C4orf50: variants seen among roughly 807,000 people sequenced by gnomAD.
C4orf50 encodes chromosome 4 open reading frame 50.
Under a neutral mutation model 77.2 loss-of-function variants are expected in C4orf50, and 80 were observed. The ratio of observed to expected loss-of-function variants is 1.04; its 90% CI spans 0.87 to 1.25. C4orf50 has a LOEUF of 1.25. C4orf50 is among the 50% of genes most tolerant of loss of function. The probability of loss-of-function intolerance (pLI) is 0.00; values close to 1 mark genes in which losing one functional copy is unlikely to be tolerated. For synonymous variants in C4orf50, 532 were observed against 465.3 expected (o/e 1.14, Z -1.84); for missense variants, 1,257 against 1,152.9 (o/e 1.09, Z -1.31).
intron 24 of C4orf50, among the ~76,000 whole-genome samples, chr4:6,010,300 C>A (rs1181868806): frequency 6.6e-6 from 1 of 152,174 alleles, no homozygotes; most frequent in Non-Finnish European, 1.5e-5. Context: ...ATTTTCTGCA[C>A]CTGAAGTTCA....
Position 5,916,752 on chromosome 4 carries a change from G to A in C4orf50, c.*2475-18564C>T, listed in dbSNP as rs951678587. 1.2e-4 allele frequency among the ~76,000 whole-genome samples: 19 copies of A among 152,098 alleles called. No homozygotes were observed. The highest frequency in any genetic ancestry group is 2.2e-4 in the Non-Finnish European group (15 of 68,024). On this transcript the variant is annotated intron_variant, in intron 7 of 7. Transcript: ENST00000324058. This position sits in a 1 kb window ranked among gnomAD's most constrained non-coding sequence, Gnocchi z 4.4. ...TCACTCCTGCAGGAAATAGGGTCAC[G>A]GCCCCGAGAGCACTTCTGTGAAGAG...
At chr4:5,994,512 G>T (rs886707197) in intron 25 of C4orf50, 36 bp from the exon 4 acceptor site, 3 of 399,136 alleles carry the variant, frequency 7.5e-6, no homozygotes, top group Admixed American at 4.4e-5. Context: ...AGCCGTCAGT[G>T]TCCTGGCTGA....
intron 25 of C4orf50, among the ~76,000 whole-genome samples, chr4:5,999,327 C>G (rs1721730195): frequency 6.6e-6 from 1 of 152,170 alleles, no homozygotes; most frequent in Admixed American, 6.5e-5. Context: ...TCAGTGTTCT[C>G]CTCTGCAAAA....
At chr4:5,995,474 AACACACACACACACACACACACACACAC>A (rs55858229) in intron 25 of C4orf50, among the ~76,000 whole-genome samples, 2 of 133,956 alleles carry the variant, frequency 1.5e-5, no homozygotes, top group Admixed American at 1.5e-4. Context: ...TGGGACTGGA[AACACACACACACACACACACACACACAC>A]ACACACACAC....
intron 7 of C4orf50, among the ~76,000 whole-genome samples, chr4:5,923,628 C>A (rs184917511): frequency 5.3e-4 from 80 of 152,256 alleles, no homozygotes; most frequent in African/African-American, 1.9e-3. Flanking sequence ...CAGGCATGAT[C>A]CATCAGTAGG....
At chr4:5,966,511 A>T (rs6841797) in intron 32 of C4orf50, among the ~76,000 whole-genome samples, 53,753 of 148,478 alleles carry the variant, frequency 0.36, 9,756 homozygotes, top group Admixed American at 0.45. Context: ...TAGCAGAATT[A>T]AAAAAAAAAA....
chr4:5,897,871 C>T (rs1716189468), exon 8 of C4orf50: 1 of 152,166 alleles, frequency 6.6e-6, no homozygotes, highest in Admixed American at 6.5e-5. Context: ...CGAGGCAGGT[C>T]CTGCTGAAGA....
At chr4:5,982,791 T>TG (rs1439317274) in intron 28 of C4orf50, among the ~76,000 whole-genome samples, 1 of 148,988 alleles carries the variant, frequency 6.7e-6, no homozygotes, top group African/African-American at 2.5e-5. Flanking sequence ...AGCCTGGGGG[T>TG]GGGGGGAAGC....
intron 25 of C4orf50, among the ~76,000 whole-genome samples, chr4:6,003,227 T>A (rs564375270): frequency 6.6e-6 from 1 of 152,350 alleles, no homozygotes; most frequent in African/African-American, 2.4e-5. Flanking sequence ...CATGTTGGCC[T>A]GAGCTCCCAC....
chr4:5,974,239 C>T (rs866436468), intron 30 of C4orf50, among the ~76,000 whole-genome samples: 2 of 152,188 alleles, frequency 1.3e-5, no homozygotes, highest in Admixed American at 6.5e-5. Flanking sequence ...TACCGAGTGT[C>T]ATGTTTCTAT....
intron 7 of C4orf50, among the ~76,000 whole-genome samples, chr4:5,931,283 C>T (rs1236456816): frequency 6.6e-6 from 1 of 152,210 alleles, no homozygotes; most frequent in Non-Finnish European, 1.5e-5. Flanking sequence ...AGGCGGCCCC[C>T]AAACACTGAT....
intron 31 of C4orf50, among the ~76,000 whole-genome samples, chr4:5,968,165 C>A (rs753632525): frequency 2.6e-5 from 4 of 152,230 alleles, no homozygotes; most frequent in Non-Finnish European, 5.9e-5. Flanking sequence ...AGGAGGCCAT[C>A]TCCCTGTCTG....
chr4:5,989,281 A>T, exon 28 of C4orf50: 2 of 1,534,722 alleles, frequency 1.3e-6, no homozygotes, highest in Non-Finnish European at 1.7e-6. Context: ...CCTGCTCCTC[A>T]CTCTCTCGAG....
At chr4:5,936,814 C>T (rs974603557) in intron 7 of C4orf50, among the ~76,000 whole-genome samples, 5 of 151,728 alleles carry the variant, frequency 3.3e-5, no homozygotes, top group Admixed American at 3.3e-4. Context: ...GAATATATGT[C>T]TTATAGCAGA....
At chr4:5,985,304 A>G (rs1720800303) in intron 28 of C4orf50, among the ~76,000 whole-genome samples, 1 of 152,162 alleles carries the variant, frequency 6.6e-6, no homozygotes, top group Non-Finnish European at 1.5e-5. Context: ...AAGAACATGT[A>G]AAGATACGGG....
At chr4:5,988,567 G>A in exon 28 of C4orf50, 2 of 1,536,814 alleles carry the variant, frequency 1.3e-6, no homozygotes, top group Non-Finnish European at 1.7e-6. Context: ...TGTCTGCCCT[G>A]CAGCCAGACT....
rs553705325 is a variant in C4orf50 at position 5,960,757 on chromosome 4, C to T, written c.4276-1131G>A. Among the ~76,000 whole-genome samples the T allele has an allele frequency of 7.9e-5, 12 of 152,286 alleles. 1 individual carries two copies. In the South Asian group the frequency reaches 8.3e-4, roughly 11 times the overall value. ...GCCTCATGGAGGCAGTGTCTGAGCT[C>T]GGCTTTTGGGGAGGAGCAGGGTTCT... is the stretch of plus-strand genomic sequence containing the variant. On this transcript the variant is annotated intron_variant, in intron 33 of 33. Coordinates refer to ENST00000531445, the Ensembl canonical transcript of C4orf50.
intron 7 of C4orf50, among the ~76,000 whole-genome samples, chr4:5,935,811 G>T (rs1247893541): frequency 1.3e-5 from 1 of 74,292 alleles, no homozygotes; most frequent in South Asian, 3.9e-4. Flanking sequence ...AAAAAAAAAA[G>T]CCCCAGAGGC....
rs1472959514 is a variant in C4orf50, at chr4:6,017,161, A to C, written c.287+984T>G. On this transcript the variant is annotated intron_variant, in intron 23 of 33. Transcript: ENST00000531445. This position sits in a 1 kb window ranked among gnomAD's most constrained non-coding sequence, Gnocchi z 4.7. Reference sequence around the variant, plus strand: ...CCACAGCAGGAAGTTCTACAGAGAGAAACGAATGCGGAGAACCTATTTCAA... The same window carrying C: ...CCACAGCAGGAAGTTCTACAGAGAGCAACGAATGCGGAGAACCTATTTCAA... Among the ~76,000 whole-genome samples, 2 of 152,222 alleles carry C rather than the reference A, an allele frequency of 1.3e-5. No homozygotes were observed. The highest frequency in any genetic ancestry group is 2.9e-5 in the Non-Finnish European group (2 of 68,030).
Sources: gnomAD v4.1 joint callset for allele counts (sites outside exome capture counted in the v4.1 genomes callset) on GRCh38, gnomAD v4.1.1 for gene constraint, Gnocchi (gnomAD v3.1) non-coding constraint, MANE v1.5 for transcripts, NCBI Gene and HGNC (gene_info 2026-07-23, HGNC 2026-07-21) for gene names.